The following WDR70 variants were observed in gnomAD, a reference collection of about 807,000 sequenced individuals.
WDR70 encodes the protein WD repeat domain 70.
WDR70 carries 53 observed loss-of-function variants against 88.6 expected under a neutral mutation model. The observed-to-expected ratio is 0.60, with a 90% CI of 0.48 to 0.75. The LOEUF (loss-of-function observed/expected upper bound fraction) is 0.75. WDR70 is among the 30% of genes least tolerant of loss of function. The pLI is 0.00. For missense variants in WDR70, 610 were observed against 823.2 expected (o/e 0.74, Z 3.17); for synonymous variants, 280 against 270.0 (o/e 1.04, Z -0.36).
At chr5:37,736,893 A>G (rs773791415) in intron 17 of WDR70, among the ~76,000 whole-genome samples, 1 of 152,172 alleles carries the variant, frequency 6.6e-6, no homozygotes, top group Admixed American at 6.5e-5. Context: ...GAAAACAAGC[A>G]ACAAATTATT....
chr5:37,452,923 TA>T lies in WDR70; in HGVS notation c.686+9554del, dbSNP rs1242292742. Among the ~76,000 whole-genome samples the T allele has an allele frequency of 2.6e-5, 4 of 152,136 alleles. No individual in the cohort carries two copies. In the South Asian group the frequency reaches 6.2e-4, roughly 24 times the overall value. ...TCCAAGTCTAGGAGTGAAGCTGAGG[TA>T]AATAAAGTATTCTGGATTTTGGGCA... On this transcript the variant is annotated intron_variant, in intron 7 of 17. Transcript: ENST00000265107.
intron 10 of WDR70, among the ~76,000 whole-genome samples, chr5:37,607,126 AG>A (rs1254181171): frequency 1.3e-5 from 2 of 151,628 alleles, no homozygotes; most frequent in African/African-American, 4.9e-5. Context: ...TATTTTTGGT[AG>A]AGACGGGGTT....
At chr5:37,513,710 A>C (rs1287679242) in intron 8 of WDR70, among the ~76,000 whole-genome samples, 1 of 152,178 alleles carries the variant, frequency 6.6e-6, no homozygotes, top group African/African-American at 2.4e-5. Flanking sequence ...AACATCCAGC[A>C]TGGGAGAAAG....
chr5:37,387,790 A>G (rs919869260), intron 3 of WDR70, among the ~76,000 whole-genome samples: 1 of 152,146 alleles, frequency 6.6e-6, no homozygotes, highest in Non-Finnish European at 1.5e-5. Context: ...GTTTCCTACC[A>G]TGAGACAGTT....
chr5:37,485,858 A>ATTTGTTTTTTTTTT (rs1739848819), intron 8 of WDR70, among the ~76,000 whole-genome samples: 1 of 108,290 alleles, frequency 9.2e-6, no homozygotes, highest in African/African-American at 3.9e-5. Flanking sequence ...TGCCTGGCTA[A>ATTTGTTTTTTTTTT]TTTTTTTTTT....
At chr5:37,641,629 C>T (rs1027821123) in intron 10 of WDR70, among the ~76,000 whole-genome samples, 5 of 151,982 alleles carry the variant, frequency 3.3e-5, no homozygotes, top group African/African-American at 1.2e-4. Flanking sequence ...GTTGACCAGG[C>T]TGGTCTTGAA....
At chr5:37,465,164 G>C (rs1012979177) in intron 7 of WDR70, among the ~76,000 whole-genome samples, 2 of 152,196 alleles carry the variant, frequency 1.3e-5, no homozygotes, top group Non-Finnish European at 2.9e-5. Flanking sequence ...CAGTGTTTCA[G>C]GAAGGATACC....
chr5:37,598,074 A>G (rs1743754125), intron 9 of WDR70, among the ~76,000 whole-genome samples: 1 of 152,200 alleles, frequency 6.6e-6, no homozygotes, highest in African/African-American at 2.4e-5. Flanking sequence ...GTATCTGAGA[A>G]TTATACAGCC....
At chr5:37,635,512 C>T (rs182533794) in intron 10 of WDR70, among the ~76,000 whole-genome samples, 4 of 152,218 alleles carry the variant, frequency 2.6e-5, no homozygotes, top group African/African-American at 9.6e-5. Context: ...TTTGACTCTG[C>T]AGAATTGGAT....
chr5:37,554,108 C>CTTTTT (rs75489460), intron 9 of WDR70, among the ~76,000 whole-genome samples: 3 of 134,422 alleles, frequency 2.2e-5, no homozygotes, highest in African/African-American at 8.2e-5. Flanking sequence ...TGCAATACTC[C>CTTTTT]TTTTTTTTTT....
chr5:37,740,722 A>G (rs1201693555), intron 17 of WDR70, among the ~76,000 whole-genome samples: 1 of 152,238 alleles, frequency 6.6e-6, no homozygotes, highest in Non-Finnish European at 1.5e-5. Context: ...CTTCAGTAGC[A>G]TCATACAGGG....
chr5:37,654,603 C>G (rs965023712), intron 10 of WDR70, among the ~76,000 whole-genome samples: 1 of 152,172 alleles, frequency 6.6e-6, no homozygotes, highest in African/African-American at 2.4e-5. Flanking sequence ...TCTCTAAGAA[C>G]TTGCTTTATG....
At chr5:37,639,151 A>G (rs888162624) in intron 10 of WDR70, among the ~76,000 whole-genome samples, 1 of 152,184 alleles carries the variant, frequency 6.6e-6, no homozygotes, top group African/African-American at 2.4e-5. Flanking sequence ...TTCTTTCCCT[A>G]GTTGCTTATT....
intron 10 of WDR70, among the ~76,000 whole-genome samples, chr5:37,609,248 A>G (rs1744118610): frequency 6.6e-6 from 1 of 152,180 alleles, no homozygotes; most frequent in African/African-American, 2.4e-5. Context: ...GGATTTGCTA[A>G]TAACAGGCAA....
intron 10 of WDR70, among the ~76,000 whole-genome samples, chr5:37,668,644 AT>A (rs1745932326): frequency 6.6e-6 from 1 of 152,212 alleles, no homozygotes; most frequent in African/African-American, 2.4e-5. Context: ...GAGCCAGAAG[AT>A]TCCAGAGCGG....
chr5:37,601,289 T>G (rs909818967), intron 9 of WDR70, among the ~76,000 whole-genome samples: 10 of 152,228 alleles, frequency 6.6e-5, no homozygotes, highest in African/African-American at 2.4e-4. Flanking sequence ...GTCATGTGGT[T>G]TCTGTTCTTA....
At chr5:37,652,953 G>C (rs1197550082) in intron 10 of WDR70, among the ~76,000 whole-genome samples, 13 of 151,982 alleles carry the variant, frequency 8.6e-5, no homozygotes, top group Admixed American at 8.5e-4. Flanking sequence ...CCTGATTGCT[G>C]TGGCCAGAAC....
chr5:37,657,203 C>T (rs1186545691), intron 10 of WDR70, among the ~76,000 whole-genome samples: 1 of 152,124 alleles, frequency 6.6e-6, no homozygotes, highest in Non-Finnish European at 1.5e-5. Context: ...TGGAGTGTAC[C>T]ATTCCTCACA....
At chr5:37,643,666 A>T (rs112718894) in intron 10 of WDR70, among the ~76,000 whole-genome samples, 7,367 of 151,898 alleles carry the variant, frequency 0.048, 576 homozygotes, top group African/African-American at 0.16. Flanking sequence ...AATTTCTTTC[A>T]TCAGTGTTTT....
Sources: allele counts gnomAD v4.1 joint callset (sites outside exome capture counted in the v4.1 genomes callset), GRCh38; gene constraint gnomAD v4.1.1; transcripts MANE v1.5; gene names NCBI Gene and HGNC (gene_info 2026-07-23, HGNC 2026-07-21).